USP24: variants seen among roughly 807,000 people sequenced by gnomAD.
USP24 encodes ubiquitin carboxyl-terminal hydrolase 24.
Under a neutral mutation model 361.6 loss-of-function variants are expected in USP24, and 97 were observed. The ratio of observed to expected loss-of-function variants is 0.27; its 90% confidence interval spans 0.23 to 0.32. The LOEUF (loss-of-function observed/expected upper bound fraction) is 0.32, where lower values mean the gene tolerates loss of function less well. USP24 is among the 10% of genes least tolerant of loss of function. USP24 has a pLI of 1.00. For synonymous variants in USP24, 1,098 were observed against 1,124.6 expected, an observed-to-expected ratio of 0.98 and a Z score of 0.47; for missense variants, 2,353 against 3,165.6, an observed-to-expected ratio of 0.74 and a Z score of 6.16.
At position 55,067,396 on chromosome 1, in the gene USP24, G is replaced by A. The variant is rs2100365616; in HGVS notation, c.*1649C>T. On this transcript the variant is annotated 3_prime_UTR_variant, in exon 68 of 68. Transcript: ENST00000294383. ...CGTCTGAAGTTTGCCACTCGCCTCTGTCCGTTTCTCTAAGGGTACAGTTCT... is the reference window on the plus strand; with the variant it reads ...CGTCTGAAGTTTGCCACTCGCCTCTATCCGTTTCTCTAAGGGTACAGTTCT... 1 of 152,346 alleles carries A rather than the reference G, an allele frequency of 6.6e-6. No homozygotes were observed. The highest frequency in any genetic ancestry group is 1.9e-4 in the East Asian group (1 of 5,184). The allele number at this position is 152,346 out of a possible 1,614,324, so 9.4% of individuals were successfully genotyped here. A position where few individuals can be genotyped will look rare whatever the true frequency, so the allele number is the denominator to read the frequency against.
At chr1:55,076,722 T>G (rs1645037667) in intron 62 of USP24, among the ~76,000 whole-genome samples, 1 of 152,054 alleles carries the variant, frequency 6.6e-6, no homozygotes, top group Non-Finnish European at 1.5e-5. Context: ...GCCAGAGGAT[T>G]TTTTTTTCCC....
At chr1:55,174,243 G>A (rs1440701350) in intron 3 of USP24, among the ~76,000 whole-genome samples, 2 of 152,116 alleles carry the variant, frequency 1.3e-5, no homozygotes, top group Non-Finnish European at 2.9e-5. Flanking sequence ...AAAAGCCTGG[G>A]GAATTGGGGA....
chr1:55,119,260 A>G (rs1371570764), intron 38 of USP24, among the ~76,000 whole-genome samples: 1 of 152,250 alleles, frequency 6.6e-6, no homozygotes, highest in Non-Finnish European at 1.5e-5. Context: ...ATTCTGATTC[A>G]TGCTACAACA....
In USP24 at chr1:55,106,366, C is replaced by A. The variant is rs116477983; in HGVS notation, c.4763-103G>T. 975 of 802,764 alleles carry A rather than the reference C, an allele frequency of 1.2e-3. 2 individuals carry two copies. In the African/African-American group the frequency reaches 0.016, roughly 13 times the overall value. The allele number at this position is 802,764 out of a possible 1,614,324, so 49.7% of individuals were successfully genotyped here. On this transcript the variant is annotated intron_variant, in intron 40 of 67. Coordinates refer to ENST00000294383, the MANE Select transcript of USP24 (RefSeq NM_015306.3). Reference sequence around the variant, plus strand: ...AGAGCAGCAAAGGTACCCAATGCCACCCAATAGCAGAGCATTTAGTTTAAT... The same window carrying A: ...AGAGCAGCAAAGGTACCCAATGCCAACCAATAGCAGAGCATTTAGTTTAAT...
At chr1:55,111,423 T>A (rs1480592608) in intron 38 of USP24, among the ~76,000 whole-genome samples, 3 of 152,084 alleles carry the variant, frequency 2.0e-5, no homozygotes, top group Admixed American at 1.3e-4. Context: ...TTAAGTGAAC[T>A]GACTTACAAC....
chr1:55,070,003 G>C lies in USP24; in HGVS notation c.7801-896C>G, dbSNP rs1374164003. Among the ~76,000 whole-genome samples, 4 of 151,782 alleles carry C rather than the reference G, an allele frequency of 2.6e-5. 1 individual carries two copies. The South Asian group carries it at 8.3e-4, about 32-fold the overall frequency. On this transcript the variant is annotated intron_variant, in intron 67 of 67. Transcript: ENST00000294383. ...TACAAAGCCTTTGAAAGGTTTTAGT[G>C]CATGAACCAGAGAGAAGCAGGGGTG...
At chr1:55,187,607 T>C (rs963604046) in intron 1 of USP24, among the ~76,000 whole-genome samples, 1 of 152,130 alleles carries the variant, frequency 6.6e-6, no homozygotes, top group African/African-American at 2.4e-5. Flanking sequence ...GAATACAGTA[T>C]CAATATACTG....
chr1:55,185,568 T>C (rs529207335), intron 1 of USP24, among the ~76,000 whole-genome samples: 6 of 152,130 alleles, frequency 3.9e-5, no homozygotes, highest in Non-Finnish European at 7.3e-5. Context: ...CTTTTTATTT[T>C]ATTTATTTTT....
rs1394669262 is a variant in USP24, at chr1:55,158,866, T to C, written c.1227+12A>G. The C allele has an allele frequency of 4.7e-6, 7 of 1,485,660 alleles. No homozygotes were observed. The highest frequency in any genetic ancestry group is 6.3e-6 in the Non-Finnish European group (7 of 1,106,492). The allele number at this position is 1,485,660 out of a possible 1,614,324, so 92.0% of individuals were successfully genotyped here. A position where few individuals can be genotyped will look rare whatever the true frequency, so the allele number is the denominator to read the frequency against. ...GTGCATTAAGTCTTGTAGAAACAAA[T>C]GAAAAACTTACTTCTTTGAGAGAAT... is the stretch of plus-strand genomic sequence containing the variant. On this transcript the variant is annotated intron_variant, in intron 10 of 67. Transcript: ENST00000294383.
In USP24 at chr1:55,097,888, C is replaced by T. The variant is rs114719441; in HGVS notation, c.5595+55G>A. 7.0e-5 allele frequency: 109 copies of T among 1,546,138 alleles called. No homozygotes were observed. In the African/African-American group the frequency reaches 1.3e-3, roughly 18 times the overall value. ...ATACTGATTTTACATAAAACAAAGA[C>T]GCACTATGCGAATAACAAATTAATC... On this transcript the variant is annotated intron_variant, in intron 47 of 67. Transcript: ENST00000294383.
intron 1 of USP24, among the ~76,000 whole-genome samples, chr1:55,189,475 A>G (rs1039450707): frequency 1.3e-5 from 2 of 152,238 alleles, no homozygotes; most frequent in Admixed American, 1.3e-4. Flanking sequence ...CCAGACATAA[A>G]AGGCCGCATA....
Position 55,068,971 on chromosome 1 carries a change from C to G in USP24, c.*74G>C. ...AATCTCCAGGCTCTTCCAAAGGGTT[C>G]GAGATTCTGATTCCAAGAAGGTGCT... On this transcript the variant is annotated 3_prime_UTR_variant, in exon 68 of 68. Coordinates refer to ENST00000294383, the MANE Select transcript of USP24 (RefSeq NM_015306.3). The G allele has an allele frequency of 6.6e-7, 1 of 1,525,766 alleles. No homozygotes were observed. The highest frequency in any genetic ancestry group is 9.1e-7 in the Non-Finnish European group (1 of 1,101,188). 94.5% of individuals were successfully genotyped at this position (1,525,766 alleles called of 1,614,324 possible).
intron 38 of USP24, among the ~76,000 whole-genome samples, chr1:55,115,806 G>C (rs1019123843): frequency 6.6e-6 from 1 of 152,162 alleles, no homozygotes; most frequent in Non-Finnish European, 1.5e-5. Context: ...AGAAAATGTA[G>C]CACATATACA....
At chr1:55,189,186 A>G (rs941769366) in intron 1 of USP24, among the ~76,000 whole-genome samples, 25 of 152,188 alleles carry the variant, frequency 1.6e-4, no homozygotes, top group African/African-American at 5.5e-4. Context: ...ATATGTCCAC[A>G]TAAAACACGT....
rs541125792 is a variant in USP24 at position 55,106,243 on chromosome 1, A to G, written c.4783T>C (p.Leu1595=). 2.5e-6 allele frequency: 4 copies of G among 1,612,318 alleles called. No individual in the cohort carries two copies. The highest frequency in any genetic ancestry group is 1.3e-5 in the African/African-American group (1 of 75,024). Reference sequence around the variant, plus strand: ...GCTCGGAAAAGGAAGTCATCTAACAATGGTTTAATGAGTGATGAACCTGGA... The same window carrying G: ...GCTCGGAAAAGGAAGTCATCTAACAGTGGTTTAATGAGTGATGAACCTGGA... The part of the protein sequence containing the change: ...EMLGSSLIKP[L]LDDFLFRASR... The change falls in exon 41 of 68, where the codon TTG becomes CTG. Residue 1595 remains leucine, a synonymous_variant. Coordinates refer to ENST00000294383, the MANE Select transcript of USP24 (RefSeq NM_015306.3).
At chr1:55,092,259 T>C (rs1315789458) in intron 53 of USP24, 133 bp from the exon 54 acceptor site, 2 of 512,708 alleles carry the variant, frequency 3.9e-6, no homozygotes, top group Non-Finnish European at 6.5e-6. Context: ...TAAATACTAA[T>C]AAGAAGAATC....
At chr1:55,175,261 C>T (rs1246385901) in intron 3 of USP24, among the ~76,000 whole-genome samples, 2 of 119,706 alleles carry the variant, frequency 1.7e-5, no homozygotes, top group African/African-American at 3.2e-5. Context: ...GAGCCTCGCA[C>T]TGTCACGCGG....
intron 42 of USP24, 48 bp from the exon 43 acceptor site, chr1:55,101,751 C>A: frequency 6.6e-7 from 1 of 1,524,966 alleles, no homozygotes. Flanking sequence ...ATGAGCATTT[C>A]TGCCACAGAC....
intron 28 of USP24, 120 bp from the exon 29 acceptor site, chr1:55,134,533 G>A: frequency 1.2e-6 from 1 of 836,338 alleles, no homozygotes; most frequent in Non-Finnish European, 1.9e-6. Flanking sequence ...TGTAAAGCTT[G>A]AGGGAAGCAC....
Sources: allele counts gnomAD v4.1 joint callset (sites outside exome capture counted in the v4.1 genomes callset), GRCh38; gene constraint gnomAD v4.1.1; transcripts MANE v1.5; gene names NCBI Gene and HGNC (gene_info 2026-07-23, HGNC 2026-07-21).